The following SPAG17 variants were observed in gnomAD, a reference collection of about 807,000 sequenced individuals.
The protein encoded by SPAG17 is sperm associated antigen 17.
A neutral mutation model predicts 273.6 loss-of-function variants in SPAG17; 169 were observed. That is an observed-to-expected ratio of 0.62 (90% CI 0.55 to 0.70). SPAG17 has a LOEUF of 0.70. Among genes scored for constraint, SPAG17 ranks in the 30% least tolerant of loss-of-function variants. SPAG17 has a pLI of 0.00. For missense variants in SPAG17, 2,557 were observed against 2,627.8 expected, an observed-to-expected ratio of 0.97 and a Z score of 0.59; for synonymous variants, 825 against 873.2, an observed-to-expected ratio of 0.94 and a Z score of 0.97.
At chr1:118,119,605 T>TA (rs1657301926) in intron 3 of SPAG17, among the ~76,000 whole-genome samples, 1 of 152,130 alleles carries the variant, frequency 6.6e-6, no homozygotes, top group Non-Finnish European at 1.5e-5. Flanking sequence ...GGGAGGTGAA[T>TA]AACTTAGGAT....
At chr1:117,984,405 A>G (rs994250513) in intron 41 of SPAG17, among the ~76,000 whole-genome samples, 1 of 152,214 alleles carries the variant, frequency 6.6e-6, no homozygotes, top group Non-Finnish European at 1.5e-5. Flanking sequence ...AAGGCTTAAC[A>G]TAGATGGGAG....
intron 28 of SPAG17, among the ~76,000 whole-genome samples, chr1:118,018,143 G>A (rs1333896279): frequency 6.6e-6 from 1 of 152,174 alleles, no homozygotes; most frequent in Non-Finnish European, 1.5e-5. Context: ...GTGATTCTGA[G>A]TATTTGTTTT....
chr1:118,104,138 C>T (rs1295390105), intron 4 of SPAG17, among the ~76,000 whole-genome samples: 2 of 152,208 alleles, frequency 1.3e-5, no homozygotes, highest in Non-Finnish European at 2.9e-5. Flanking sequence ...GAAACTCTCG[C>T]AATAGTCCAG....
intron 13 of SPAG17, among the ~76,000 whole-genome samples, chr1:118,082,414 C>T (rs182030589): frequency 5.9e-5 from 9 of 152,296 alleles, no homozygotes; most frequent in Non-Finnish European, 8.8e-5. Flanking sequence ...TCCATTTTCT[C>T]TCCAGCAAAG....
intron 3 of SPAG17, among the ~76,000 whole-genome samples, chr1:118,121,775 T>C (rs1357471163): frequency 1.3e-5 from 2 of 152,248 alleles, no homozygotes; most frequent in African/African-American, 2.4e-5. Context: ...CTGCCTTTGA[T>C]GTTTATTCAG....
intron 25 of SPAG17, among the ~76,000 whole-genome samples, chr1:118,031,160 G>C (rs1004958801): frequency 4.1e-5 from 6 of 146,408 alleles, no homozygotes; most frequent in African/African-American, 1.5e-4. Flanking sequence ...AGGGCTAGGG[G>C]TAATAGGAGG....
At chr1:118,092,902 C>G (rs1436191962) in intron 8 of SPAG17, among the ~76,000 whole-genome samples, 4 of 152,182 alleles carry the variant, frequency 2.6e-5, no homozygotes, top group African/African-American at 9.6e-5. Flanking sequence ...ATTACTTTGT[C>G]AATATCTTTC....
chr1:118,026,116 T>C (rs559140640), intron 26 of SPAG17, among the ~76,000 whole-genome samples: 30 of 152,262 alleles, frequency 2.0e-4, no homozygotes, highest in African/African-American at 3.9e-4. Context: ...TGGTTGCCCA[T>C]AGCCCCAGGG....
chr1:117,972,157 ATGAATGTT>A, intron 44 of SPAG17, 110 bp from the exon 45 acceptor site: 1 of 932,776 alleles, frequency 1.1e-6, no homozygotes, highest in South Asian at 1.8e-5. Context: ...GCTGGAGGAA[ATGAATGTT>A]TACAGTCTCA....
chr1:118,053,854 A>C, intron 20 of SPAG17, 148 bp downstream of exon 20: 1 of 586,946 alleles, frequency 1.7e-6, no homozygotes, highest in African/African-American at 1.9e-5. Context: ...TCAGCAGGTC[A>C]AAAAGAGATG....
chr1:118,086,231 G>A (rs10923490), intron 12 of SPAG17, among the ~76,000 whole-genome samples, 159 bp from the exon 13 acceptor site: 15,204 of 152,170 alleles, frequency 0.1, 2,092 homozygotes, highest in African/African-American at 0.31. Context: ...TTTTGCTGAA[G>A]GTCAAAAAGC....
In SPAG17 at chr1:117,992,571, G is replaced by A. The variant is rs1657222281; in HGVS notation, c.5256C>T (p.Ala1752=). ...LCIESKQLVS[A]PGAILKSPSV... ...TGGGGCTCTTGAGTATGGCACCCGG[G>A]GCACTCACTAGCTGTTTGGACTCAA... The change falls in exon 36 of 49, where the codon GCC becomes GCT. Residue 1752 remains alanine, a synonymous_variant. Transcript: ENST00000336338. 2.5e-6 allele frequency: 4 copies of A among 1,613,656 alleles called. No individual in the cohort carries two copies. The highest frequency in any genetic ancestry group is 2.5e-6 in the Non-Finnish European group (3 of 1,179,834).
intron 3 of SPAG17, among the ~76,000 whole-genome samples, chr1:118,127,198 T>A (rs1657783398): frequency 6.6e-6 from 1 of 151,360 alleles, no homozygotes; most frequent in Admixed American, 6.6e-5. Flanking sequence ...AATTTTAGGA[T>A]TTTTTTTTCT....
chr1:118,179,075 G>A (rs1048531672), intron 1 of SPAG17, among the ~76,000 whole-genome samples: 6 of 151,660 alleles, frequency 4.0e-5, no homozygotes, highest in African/African-American at 1.5e-4. Flanking sequence ...TACTAATGAC[G>A]GTCTTCACAG....
In SPAG17 at chr1:117,988,000, T is replaced by C. The variant is rs933869606; in HGVS notation, c.5621+105A>G. 1.6e-5 allele frequency: 22 copies of C among 1,419,060 alleles called. No individual in the cohort carries two copies. In the Admixed American group the frequency reaches 1.8e-4, roughly 12 times the overall value. The allele number at this position is 1,419,060 out of a possible 1,614,324, so 87.9% of individuals were successfully genotyped here. ...TAATAGTATGGGAGATGAAGGGCTG[T>C]GAATTCATTGATGTAGTCACCAAAA... On this transcript the variant is annotated intron_variant, in intron 39 of 48. Coordinates refer to ENST00000336338, the MANE Select transcript of SPAG17 (RefSeq NM_206996.4).
intron 26 of SPAG17, among the ~76,000 whole-genome samples, chr1:118,027,310 C>T (rs1028906566): frequency 3.3e-5 from 5 of 152,114 alleles, no homozygotes; most frequent in African/African-American, 4.8e-5. Context: ...TTAACTTCAA[C>T]ATTTAGTTTC....
chr1:118,074,020 G>T, intron 16 of SPAG17, 53 bp from the exon 17 acceptor site: 1 of 1,323,280 alleles, frequency 7.6e-7, no homozygotes, highest in Non-Finnish European at 1.0e-6. Flanking sequence ...AGTCCAAATG[G>T]AGCCCTCTTG....
intron 1 of SPAG17, among the ~76,000 whole-genome samples, chr1:118,183,313 A>C (rs927688170): frequency 6.6e-6 from 1 of 152,184 alleles, no homozygotes; most frequent in African/African-American, 2.4e-5. Context: ...ACCCACAGTC[A>C]TCTATAACCT....
chr1:118,022,288 A>C (rs567882818), intron 28 of SPAG17, among the ~76,000 whole-genome samples: 1 of 152,172 alleles, frequency 6.6e-6, no homozygotes, highest in Non-Finnish European at 1.5e-5. Flanking sequence ...AGCTGATTTA[A>C]TATTTGAAAT....
Sources: allele counts gnomAD v4.1 joint callset (sites outside exome capture counted in the v4.1 genomes callset), GRCh38; gene constraint gnomAD v4.1.1; transcripts MANE v1.5; gene names NCBI Gene and HGNC (gene_info 2026-07-23, HGNC 2026-07-21).